ASMTL: variants seen among roughly 807,000 people sequenced by gnomAD.
ASMTL encodes acetylserotonin O-methyltransferase like.
Under a neutral mutation model 60.3 loss-of-function variants are expected in ASMTL, and 57 were observed. The observed-to-expected ratio is 0.95, with a 90% CI of 0.76 to 1.18. The LOEUF is 1.18. ASMTL is among the 50% of genes most tolerant of loss of function. The pLI is 0.00. For missense variants in ASMTL, 981 were observed against 852.6 expected, an observed-to-expected ratio of 1.15 and a Z score of -1.88; for synonymous variants, 419 against 373.0, an observed-to-expected ratio of 1.12 and a Z score of -1.42.
At chrX:1,439,622 G>A (rs772910818) in intron 2 of ASMTL, among the ~76,000 whole-genome samples, 22 of 152,204 alleles carry the variant, frequency 1.4e-4, no homozygotes, top group African/African-American at 5.1e-4. Context: ...CGAGGCGGGC[G>A]CATCTCCTGA....
chrX:1,419,173 C>T (rs1463151809), intron 9 of ASMTL, 59 bp from the exon 10 acceptor site: 19 of 1,589,758 alleles, frequency 1.2e-5, no homozygotes, highest in Non-Finnish European at 1.5e-5. Flanking sequence ...CTCGCCCAGC[C>T]TCTCCCTGGG....
At chrX:1,414,182 CCGGAG>C (rs2090149608) in intron 11 of ASMTL, among the ~76,000 whole-genome samples, 1 of 151,928 alleles carries the variant, frequency 6.6e-6, no homozygotes. Context: ...CCAGGGACAC[CCGGAG>C]CCCCCAGGAG....
At chrX:1,426,159 A>G (rs5989890) in intron 7 of ASMTL, among the ~76,000 whole-genome samples, 101,123 of 151,506 alleles carry the variant, frequency 0.67, 34,734 homozygotes, top group South Asian at 0.86. Flanking sequence ...GGGAGAAGAC[A>G]GCATCTCCAA....
chrX:1,427,721 C>T lies in ASMTL; in HGVS notation c.897+13G>A. 6.3e-7 allele frequency: 1 copy of T among 1,591,240 alleles called. No individual in the cohort carries two copies. The highest frequency in any genetic ancestry group is 8.6e-7 in the Non-Finnish European group (1 of 1,164,668). Reference sequence around the variant, plus strand: ...ATTTGTGAAATGTGGCCTGAGGAGACAGACACAGGTACCTTGGATAGCATA... The same window carrying T: ...ATTTGTGAAATGTGGCCTGAGGAGATAGACACAGGTACCTTGGATAGCATA... On this transcript the variant is annotated intron_variant, in intron 7 of 12. Transcript: ENST00000381317.
At chrX:1,417,920 A>C in intron 11 of ASMTL, 53 bp downstream of exon 11, 1 of 1,556,700 alleles carries the variant, frequency 6.4e-7, no homozygotes, top group Non-Finnish European at 8.7e-7. Flanking sequence ...CTGTCTAGAA[A>C]GAGATGCTGC....
Position 1,452,801 on chromosome X carries a change from G to C in ASMTL, c.40C>G (p.Arg14Gly), listed in dbSNP as rs779966089. 2 of 1,596,282 alleles carry C rather than the reference G, an allele frequency of 1.3e-6. No homozygotes were observed. The highest frequency in any genetic ancestry group is 1.3e-5 in the African/African-American group (1 of 74,658). The change falls in exon 1 of 13, where the codon CGC becomes GGC. Residue 14 changes from arginine (R) to glycine (G), a missense_variant. Transcript: ENST00000381317. ...GGGGAGGCGCTGGCCAGCACCACGCGCTTGTGCAGCAGCTTCCCAATCACC... is the reference window on the plus strand; with the variant it reads ...GGGGAGGCGCTGGCCAGCACCACGCCCTTGTGCAGCAGCTTCCCAATCACC... ...CPVIGKLLHK[R>G]VVLASASPRR...
At chrX:1,431,067 C>G (rs1333822118) in intron 6 of ASMTL, among the ~76,000 whole-genome samples, 1 of 122,628 alleles carries the variant, frequency 8.2e-6, no homozygotes, top group Non-Finnish European at 1.6e-5. Context: ...ACATATTATC[C>G]ATATATTCAT....
intron 12 of ASMTL, among the ~76,000 whole-genome samples, chrX:1,411,412 G>C (rs1446093492): frequency 1.3e-5 from 2 of 152,184 alleles, no homozygotes. Context: ...GTGCCCGTCA[G>C]ATTCCCTCAG....
chrX:1,435,305 C>T (rs1169154832), intron 4 of ASMTL: 40 of 634,000 alleles, frequency 6.3e-5, no homozygotes, highest in Non-Finnish European at 8.3e-5. Flanking sequence ...TGACGGGAGG[C>T]GCCAGGCCAG....
At chrX:1,444,534 T>C (rs2091194068) in intron 1 of ASMTL, among the ~76,000 whole-genome samples, 11 of 152,094 alleles carry the variant, frequency 7.2e-5, no homozygotes, top group Admixed American at 7.2e-4. Context: ...GTTTCCTCCT[T>C]CTTAAACTCT....
At position 1,438,381 on chromosome X, in the gene ASMTL, C is replaced by A. The variant is rs28437053; in HGVS notation, c.273+716G>T. ...AGATAGGAACCACAGGGCCATGAGC[C>A]AAAGGAGACAATGGGTTGCCAACAG... On this transcript the variant is annotated intron_variant, in intron 3 of 12. Transcript: ENST00000381317. Among the ~76,000 whole-genome samples the A allele has an allele frequency of 5.3e-5, 8 of 152,132 alleles. No homozygotes were observed. The South Asian group carries it at 1.7e-3, about 32-fold the overall frequency.
intron 5 of ASMTL, among the ~76,000 whole-genome samples, chrX:1,433,144 G>A (rs181098000): frequency 1.5e-4 from 23 of 152,012 alleles, no homozygotes; most frequent in African/African-American, 5.3e-4. Context: ...TGTGCCTCAG[G>A]GTCCGGACAC....
chrX:1,433,095 C>G (rs1159358874), intron 5 of ASMTL, among the ~76,000 whole-genome samples: 2 of 151,986 alleles, frequency 1.3e-5, no homozygotes, highest in African/African-American at 2.4e-5. Context: ...GAGACTCTGT[C>G]TCAAATAAAT....
intron 10 of ASMTL, among the ~76,000 whole-genome samples, chrX:1,418,745 T>G (rs1327232638): frequency 1.3e-5 from 2 of 152,016 alleles, no homozygotes; most frequent in Non-Finnish European, 2.9e-5. Context: ...GTGCTCTGCC[T>G]CAGCTCCGCA....
intron 1 of ASMTL, among the ~76,000 whole-genome samples, chrX:1,446,685 G>C (rs2091238097): frequency 6.6e-6 from 1 of 152,006 alleles, no homozygotes; most frequent in South Asian, 2.1e-4. Context: ...AATTTTAGTA[G>C]AGACGGGGTT....
chrX:1,453,400 C>T (rs2091444896), upstream of ASMTL, among the ~76,000 whole-genome samples: 1 of 151,800 alleles, frequency 6.6e-6, no homozygotes, highest in Admixed American at 6.6e-5. Flanking sequence ...CCCCCAGCTC[C>T]GCCTCCCGGG....
chrX:1,407,502 G>T (rs1179104173), intron 12 of ASMTL, among the ~76,000 whole-genome samples: 79 of 152,132 alleles, frequency 5.2e-4, no homozygotes, highest in Non-Finnish European at 1.0e-3. Context: ...TGAGATGGAT[G>T]GATGGGTGAA....
chrX:1,405,224 AGATG>A (rs1266987460), intron 12 of ASMTL, among the ~76,000 whole-genome samples: 14 of 131,142 alleles, frequency 1.1e-4, no homozygotes, highest in East Asian at 4.3e-4. Flanking sequence ...ATGGATGGAT[AGATG>A]GATGGATGGG....
At chrX:1,412,926 A>G in intron 11 of ASMTL, 72 bp from the exon 12 acceptor site, 1 of 1,560,830 alleles carries the variant, frequency 6.4e-7, no homozygotes, top group Non-Finnish European at 8.8e-7. Flanking sequence ...AGATCCTGGG[A>G]CGGCCACCCG....
Sources: allele counts gnomAD v4.1 joint callset (sites outside exome capture counted in the v4.1 genomes callset), GRCh38; gene constraint gnomAD v4.1.1; transcripts MANE v1.5; gene names NCBI Gene and HGNC (gene_info 2026-07-23, HGNC 2026-07-21).